Variants in FCRL1 observed in about 807,000 individuals in gnomAD.
FCRL1 encodes Fc receptor-like protein 1.
A neutral mutation model predicts 49.2 loss-of-function variants in FCRL1; 34 were observed. The observed-to-expected ratio is 0.69, with a 90% CI of 0.53 to 0.92. FCRL1 has a LOEUF of 0.92. Among genes scored for constraint, FCRL1 ranks in the 40% least tolerant of loss-of-function variants. The pLI is 0.00. For missense variants in FCRL1, 524 were observed against 524.1 expected (o/e 1.00, Z 0.00); for synonymous variants, 218 against 201.6 (o/e 1.08, Z -0.69).
At position 157,804,114 on chromosome 1, in the gene FCRL1, A is replaced by G. The variant is rs1250669583; in HGVS notation, c.53-3T>C. 6.2e-7 allele frequency: 1 copy of G among 1,613,446 alleles called. No homozygotes were observed. The highest frequency in any genetic ancestry group is 1.3e-5 in the African/African-American group (1 of 74,986). ...GGGGCTGGCTATCAAAAACAGCTCTAGAGAGAGGAATTAAACACAAATGAT... is the reference window on the plus strand; with the variant it reads ...GGGGCTGGCTATCAAAAACAGCTCTGGAGAGAGGAATTAAACACAAATGAT... On this transcript the variant is annotated splice_region_variant and splice_polypyrimidine_tract_variant and intron_variant, in intron 2 of 10. Coordinates refer to ENST00000368176, the MANE Select transcript of FCRL1 (RefSeq NM_052938.5).
chr1:157,799,392 G>A (rs943783297), intron 7 of FCRL1, among the ~76,000 whole-genome samples: 2 of 152,132 alleles, frequency 1.3e-5, no homozygotes, highest in African/African-American at 4.8e-5. Context: ...TCTTCCATTT[G>A]TTTGTATCCT....
chr1:157,813,776 C>T (rs931398735), intron 1 of FCRL1, among the ~76,000 whole-genome samples: 5 of 152,120 alleles, frequency 3.3e-5, no homozygotes, highest in African/African-American at 9.7e-5. Context: ...TGAAGAGGTC[C>T]TCTCCAAGGT....
chr1:157,806,479 G>C (rs1263904505), intron 2 of FCRL1, among the ~76,000 whole-genome samples: 1 of 152,132 alleles, frequency 6.6e-6, no homozygotes, highest in East Asian at 1.9e-4. Flanking sequence ...CTCCTTCTTT[G>C]GTAAAGGTAA....
At chr1:157,802,751 G>A in intron 3 of FCRL1, 87 bp from the exon 4 acceptor site, 1 of 1,365,380 alleles carries the variant, frequency 7.3e-7, no homozygotes, top group Non-Finnish European at 9.9e-7. Flanking sequence ...TGAAAGCAAA[G>A]AGCATGAGTG....
intron 7 of FCRL1, 114 bp downstream of exon 7, chr1:157,799,944 A>T: frequency 1.4e-6 from 1 of 739,398 alleles, no homozygotes. Context: ...CTCAGGAGTG[A>T]GTTCTGGGTA....
In FCRL1 at chr1:157,818,923, T is replaced by G. The variant is rs142362317; in HGVS notation, c.31+1084A>C. Among the ~76,000 whole-genome samples, 747 of 152,240 alleles carry G rather than the reference T, an allele frequency of 4.9e-3. 8 individuals are homozygous for G. The highest frequency in any genetic ancestry group is 0.017 in the African/African-American group (706 of 41,528). On this transcript the variant is annotated intron_variant, in intron 1 of 10. Coordinates refer to ENST00000368176, the MANE Select transcript of FCRL1 (RefSeq NM_052938.5). ...AAACATATTGATGATGGAGCAAACT[T>G]TTTGAGAAAGTAAGAGGGTCATGGG...
rs1432379491 is a variant in FCRL1, at chr1:157,802,568, C to T, written c.416G>A (p.Gly139Asp). ...CCAAAGGAAGGTGATGTCTCCTGTG[C>T]CCATAGCAACTGAGCAGATGAGGAC... ...RLVLICSVAM[G>D]TGDITFLWYK... The change falls in exon 4 of 11, where the codon GGC becomes GAC. Residue 139 changes from glycine to aspartate, a missense_variant. Gly to Asp is a moderately conservative substitution (Grantham distance 94). Coordinates refer to ENST00000368176, the MANE Select transcript of FCRL1 (RefSeq NM_052938.5). 6 of 1,614,196 alleles carry T rather than the reference C, an allele frequency of 3.7e-6. No individual in the cohort carries two copies. The highest frequency in any genetic ancestry group is 5.1e-6 in the Non-Finnish European group (6 of 1,180,030).
intron 2 of FCRL1, among the ~76,000 whole-genome samples, chr1:157,805,586 G>A (rs1653306422): frequency 6.6e-6 from 1 of 152,174 alleles, no homozygotes; most frequent in South Asian, 2.1e-4. Flanking sequence ...CTTGGAGCTA[G>A]GCAGGGCAAT....
rs1651626310 is a variant in FCRL1, at chr1:157,797,115, G to A, written c.1204C>T (p.His402Tyr). 1 of 1,613,970 alleles carries A rather than the reference G, an allele frequency of 6.2e-7. No individual in the cohort carries two copies. The highest frequency in any genetic ancestry group is 1.3e-5 in the African/African-American group (1 of 75,048). ...ESVAAETLGT[H>Y]MEDKVSLDIY... ...GAGACTCTTACCTTGTCCTCCATATGTGTCCCCAGGGTTTCTGCTGTGGAG... is the reference window on the plus strand; with the variant it reads ...GAGACTCTTACCTTGTCCTCCATATATGTCCCCAGGGTTTCTGCTGTGGAG... Residue 402 changes from histidine (H) to tyrosine (Y), a missense_variant, in exon 10 of 11, where the codon CAT (histidine) becomes TAT (tyrosine). Coordinates refer to ENST00000368176, the MANE Select transcript of FCRL1 (RefSeq NM_052938.5).
At position 157,804,066 on chromosome 1, in the gene FCRL1, G is replaced by A. The variant is rs1652981260; in HGVS notation, c.98C>T (p.Pro33Leu). 3 of 1,614,170 alleles carry A rather than the reference G, an allele frequency of 1.9e-6. No homozygotes were observed. The highest frequency in any genetic ancestry group is 2.2e-5 in the East Asian group (1 of 44,874). The change falls in exon 3 of 11, where the codon CCA (proline) becomes CTA (leucine). Residue 33 changes from proline (P) to leucine (L), a missense_variant. Pro to Leu is a moderately conservative substitution (Grantham distance 98, BLOSUM62 -3). Transcript: ENST00000368176. ...GGGCATCTTACACGTCAGGGTCACT[G>A]GGCTCCCCTCTGTGGGATGGGAGGG... Reference protein sequence around the residue: ...ASPSHPTEGSPVTLTCKMPFL... With the variant: ...ASPSHPTEGSLVTLTCKMPFL...
chr1:157,805,853 A>G (rs1359993473), intron 2 of FCRL1, among the ~76,000 whole-genome samples: 1 of 152,162 alleles, frequency 6.6e-6, no homozygotes, highest in Non-Finnish European at 1.5e-5. Flanking sequence ...CTGAGATCAC[A>G]CCACTGCACT....
chr1:157,798,398 G>A (rs1055233920), intron 7 of FCRL1, among the ~76,000 whole-genome samples, 155 bp from the exon 8 acceptor site: 1 of 152,196 alleles, frequency 6.6e-6, no homozygotes, highest in African/African-American at 2.4e-5. Context: ...TGTGGTATGA[G>A]TCACGGCTCT....
intron 1 of FCRL1, among the ~76,000 whole-genome samples, chr1:157,810,622 G>A (rs935577986): frequency 3.3e-5 from 5 of 152,042 alleles, no homozygotes; most frequent in Non-Finnish European, 2.9e-5. Context: ...GGATGAAAAT[G>A]TCCTGTATTT....
At chr1:157,810,815 A>T (rs886457588) in intron 1 of FCRL1, among the ~76,000 whole-genome samples, 1 of 152,072 alleles carries the variant, frequency 6.6e-6, no homozygotes. Flanking sequence ...TTGAGACAGG[A>T]TCTTGCTCTG....
chr1:157,803,741 A>G, intron 3 of FCRL1, 104 bp downstream of exon 3: 1 of 1,400,528 alleles, frequency 7.1e-7, no homozygotes, highest in Non-Finnish European at 9.7e-7. Flanking sequence ...TATCTTTCAA[A>G]CAGCTCCTAC....
intron 3 of FCRL1, among the ~76,000 whole-genome samples, 198 bp from the exon 4 acceptor site, chr1:157,802,862 A>G (rs551416806): frequency 1.3e-5 from 2 of 152,308 alleles, no homozygotes; most frequent in South Asian, 2.1e-4. Context: ...TAGTATTACC[A>G]TACAAGGCAT....
At chr1:157,812,640 A>G (rs1654487804) in intron 1 of FCRL1, among the ~76,000 whole-genome samples, 1 of 152,098 alleles carries the variant, frequency 6.6e-6, no homozygotes, top group Non-Finnish European at 1.5e-5. Flanking sequence ...AGTGCTTCAG[A>G]GTCACATTCT....
intron 3 of FCRL1, 73 bp downstream of exon 3, chr1:157,803,772 T>C: frequency 6.4e-7 from 1 of 1,551,488 alleles, no homozygotes; most frequent in African/African-American, 1.4e-5. Flanking sequence ...ATAGAACCCA[T>C]AACAGTGAGG....
chr1:157,804,256 C>CA (rs58457829), intron 2 of FCRL1, 145 bp from the exon 3 acceptor site: 184,978 of 897,498 alleles, frequency 0.21, 13,144 homozygotes, highest in Non-Finnish European at 0.22. Flanking sequence ...ACCCCCCCCC[C>CA]AGTGGCCCAT....
Sources: allele counts gnomAD v4.1 joint callset (sites outside exome capture counted in the v4.1 genomes callset), GRCh38; gene constraint gnomAD v4.1.1; transcripts MANE v1.5; gene names NCBI Gene and HGNC (gene_info 2026-07-23, HGNC 2026-07-21).